Variants in COL20A1 observed in about 807,000 individuals in gnomAD.
COL20A1 encodes collagen alpha-1(XX) chain.
COL20A1 carries 164 observed loss-of-function variants against 152.9 expected under a neutral mutation model. The observed-to-expected ratio is 1.07, with a 90% CI of 0.94 to 1.22. COL20A1 has a LOEUF of 1.22. COL20A1 is among the 50% of genes most tolerant of loss of function. COL20A1 has a pLI of 0.00. For synonymous variants in COL20A1, 864 were observed against 756.0 expected, an observed-to-expected ratio of 1.14 and a Z score of -2.34; for missense variants, 1,873 against 1,744.8, an observed-to-expected ratio of 1.07 and a Z score of -1.31.
In COL20A1 at chr20:63,316,598, C is replaced by A; in HGVS notation, c.2570C>A (p.Ala857Glu). Residue 857 changes from alanine to glutamate, a missense_variant, in exon 21 of 36, where the codon GCG becomes GAG. By Grantham distance (107) the Ala-to-Glu change is moderately radical. Coordinates refer to ENST00000358894, the MANE Select transcript of COL20A1 (RefSeq NM_020882.4). ...TTCAGCCTGGTGGAAAAGGCTTATGCGTCCATCCGGGGCGTGGCCATGGAG... is the reference window on the plus strand; with the variant it reads ...TTCAGCCTGGTGGAAAAGGCTTATGAGTCCATCCGGGGCGTGGCCATGGAG... ...VAFSLVEKAY[A>E]SIRGVAMEPS... 6.3e-7 allele frequency: 1 copy of A among 1,586,448 alleles called. No homozygotes were observed. The highest frequency in any genetic ancestry group is 8.6e-7 in the Non-Finnish European group (1 of 1,166,578).
At chr20:63,328,607 T>C in intron 34 of COL20A1, 109 bp downstream of exon 34, 1 of 1,060,146 alleles carries the variant, frequency 9.4e-7, no homozygotes, top group South Asian at 1.6e-5. Flanking sequence ...CAGCTCCTGC[T>C]GGAGATGCCA....
At chr20:63,303,856 CCTCCAGGTGTGCAGGTGTGGG>C (rs2067887881) in intron 3 of COL20A1, among the ~76,000 whole-genome samples, 2 of 148,790 alleles carry the variant, frequency 1.3e-5, no homozygotes, top group South Asian at 4.3e-4. Context: ...TCCCTTCCTC[CCTCCAGGTGTGCAGGTGTGGG>C]TTCCACCCTC....
chr20:63,315,518 G>C, intron 20 of COL20A1, 79 bp downstream of exon 20: 1 of 1,306,968 alleles, frequency 7.7e-7, no homozygotes, highest in Non-Finnish European at 1.0e-6. Flanking sequence ...CAAGGGTGTC[G>C]TGACCTGGGA....
At chr20:63,295,244 A>G in intron 2 of COL20A1, 55 bp downstream of exon 2, 1 of 1,237,320 alleles carries the variant, frequency 8.1e-7, no homozygotes, top group Non-Finnish European at 1.2e-6. Context: ...CTGCCCCACC[A>G]GTGCCCACGC....
Position 63,328,408 on chromosome 20 carries a change from G to A in COL20A1, c.3691G>A (p.Gly1231Ser), listed in dbSNP as rs1290553403. Residue 1231 changes from glycine to serine, a missense_variant, in exon 34 of 36, where the codon GGC becomes AGC. By Grantham distance (56) the Gly-to-Ser change is moderately conservative. Coordinates refer to ENST00000358894, the MANE Select transcript of COL20A1 (RefSeq NM_020882.4). ...MPILEQKLEP[G>S]TEPLGSPGTR... ...CATCTTGGAGCAGAAGCTGGAGCCG[G>A]GCACTGAGCCCCTGGGGTCCCCTGG... is the stretch of plus-strand genomic sequence containing the variant. 1 of 1,612,598 alleles carries A rather than the reference G, an allele frequency of 6.2e-7. No individual in the cohort carries two copies. The highest frequency in any genetic ancestry group is 8.5e-7 in the Non-Finnish European group (1 of 1,179,660).
chr20:63,312,359 A>G (rs1601420756), intron 14 of COL20A1, 61 bp from the exon 15 acceptor site: 2 of 1,450,090 alleles, frequency 1.4e-6, no homozygotes, highest in Non-Finnish European at 1.8e-6. Flanking sequence ...CTGATTCTCC[A>G]CCCCAGCAAG....
chr20:63,293,806 C>T (rs112888546), intron 1 of COL20A1, among the ~76,000 whole-genome samples: 5,991 of 142,536 alleles, frequency 0.042, 154 homozygotes, highest in Middle Eastern at 0.1. Context: ...GCTTTCCCGC[C>T]GGGTGAGGCC....
chr20:63,297,811 TCCTC>T, intron 2 of COL20A1, 95 bp from the exon 3 acceptor site: 1 of 896,824 alleles, frequency 1.1e-6, no homozygotes, highest in Admixed American at 2.2e-5. Flanking sequence ...AGGACTGTGT[TCCTC>T]CCAAATGCTG....
At position 63,313,831 on chromosome 20, in the gene COL20A1, C is replaced by T; in HGVS notation, c.2298C>T (p.Gly766=). Residue 766 remains glycine (G), a synonymous_variant, in exon 18 of 36, where the codon GGC becomes GGT. Transcript: ENST00000358894. The surrounding 1 kb of genome is among the most constrained non-coding windows in gnomAD (Gnocchi z 5.9). ...AGGTCAGCTGGACGCCCCCGCTTGG[C>T]CGCGTGCTCCATTACTGGCTCACCT... ...SLQVSWTPPL[G]RVLHYWLTYA... 2 of 1,611,160 alleles carry T rather than the reference C, an allele frequency of 1.2e-6. No individual in the cohort carries two copies. The highest frequency in any genetic ancestry group is 1.7e-6 in the Non-Finnish European group (2 of 1,179,320).
At chr20:63,327,837 C>A in intron 31 of COL20A1, 115 bp from the exon 32 acceptor site, 1 of 1,077,696 alleles carries the variant, frequency 9.3e-7, no homozygotes, top group Non-Finnish European at 1.4e-6. Flanking sequence ...TTTCACACCG[C>A]CACTGTGGCT....
rs750218458 is a variant in COL20A1 at position 63,308,083 on chromosome 20, G to A, written c.768G>A (p.Thr256=). 4.1e-5 allele frequency: 66 copies of A among 1,607,016 alleles called. 1 individual carries two copies. In the Middle Eastern group the frequency reaches 4.9e-4, roughly 12 times the overall value. The change falls in exon 7 of 36, where the codon ACG becomes ACA. Residue 256 remains threonine (T), a synonymous_variant. Coordinates refer to ENST00000358894, the MANE Select transcript of COL20A1 (RefSeq NM_020882.4). ...VRRLRYKGGN[T]FTGLALTHVL... ...GCCTCCGCTACAAGGGGGGGAACAC[G>A]TTCACAGGTACGGCCCAGGCCTGCC...
chr20:63,295,112 G>A lies in COL20A1; in HGVS notation c.5G>A (p.Ser2Asn). The change falls in exon 2 of 36, where the codon AGC becomes AAC. Residue 2 changes from serine (S) to asparagine (N), a missense_variant. By Grantham distance (46) the Ser-to-Asn change is conservative. Coordinates refer to ENST00000358894, the MANE Select transcript of COL20A1 (RefSeq NM_020882.4). The part of the protein sequence containing the change: M[S>N]SGDPAHLGLC... ...CCCTGCCACAGCCCGAGCACCATGA[G>A]CTCCGGAGACCCTGCACACCTCGGC... is the stretch of plus-strand genomic sequence containing the variant. The A allele has an allele frequency of 6.4e-7, 1 of 1,550,592 alleles. No homozygotes were observed. Among genetic ancestry groups the A allele is most frequent in the Non-Finnish European group, 8.7e-7 (1 of 1,146,980 alleles).
intron 1 of COL20A1, among the ~76,000 whole-genome samples, chr20:63,294,050 T>C (rs2067750918): frequency 1.1e-5 from 1 of 95,116 alleles, no homozygotes; most frequent in African/African-American, 4.1e-5. Flanking sequence ...GGGAGTGCTC[T>C]GTCTGCTTTC....
chr20:63,332,313 A>G lies in COL20A1; in HGVS notation c.*1597A>G, dbSNP rs2068342924. 1.3e-5 allele frequency: 2 copies of G among 152,438 alleles called. No homozygotes were observed. Among genetic ancestry groups the G allele is most frequent in the Middle Eastern group, 3.4e-3 (1 of 294 alleles). 9.4% of individuals were successfully genotyped at this position (152,438 alleles called of 1,614,324 possible). ...AGCCCCTCCGTCCTGCAGGGAGGAC[A>G]CCTAGGTCACTTGGCTTCTGTTGGG... On this transcript the variant is annotated 3_prime_UTR_variant, in exon 36 of 36. Coordinates refer to ENST00000358894, the MANE Select transcript of COL20A1 (RefSeq NM_020882.4).
intron 21 of COL20A1, among the ~76,000 whole-genome samples, chr20:63,317,862 G>GC (rs1380660993): frequency 5.3e-5 from 8 of 151,914 alleles, no homozygotes; most frequent in Admixed American, 4.6e-4. Flanking sequence ...TGGTGTAGAC[G>GC]CCCCCCGCCC....
Position 63,316,709 on chromosome 20 carries a change from G to A in COL20A1, c.2663+18G>A, listed in dbSNP as rs2068089722. On this transcript the variant is annotated intron_variant, in intron 21 of 35. Transcript: ENST00000358894. Reference sequence around the variant, plus strand: ...CGGGTCAGGTGTGAGGGCAAGGGCTGGGGTGGAGCTGGAAGCCCAGGCTGG... The same window carrying A: ...CGGGTCAGGTGTGAGGGCAAGGGCTAGGGTGGAGCTGGAAGCCCAGGCTGG... 2.0e-6 allele frequency: 3 copies of A among 1,514,972 alleles called. No homozygotes were observed. Among genetic ancestry groups the A allele is most frequent in the African/African-American group, 1.4e-5 (1 of 71,784 alleles). 93.8% of individuals were successfully genotyped at this position (1,514,972 alleles called of 1,614,324 possible).
chr20:63,324,229 C>T (rs2068210584), intron 27 of COL20A1: 1 of 152,212 alleles, frequency 6.6e-6, no homozygotes, highest in South Asian at 2.1e-4. Flanking sequence ...TTGTGGTTTT[C>T]TTGGATTTTC....
At chr20:63,315,663 C>T (rs1486873296) in intron 20 of COL20A1, among the ~76,000 whole-genome samples, 2 of 152,244 alleles carry the variant, frequency 1.3e-5, no homozygotes, top group African/African-American at 2.4e-5. Context: ...GGCCAGGAAC[C>T]GGCAGAGCCC....
At chr20:63,302,656 TGGG>T in intron 3 of COL20A1, among the ~76,000 whole-genome samples, 1 of 152,192 alleles carries the variant, frequency 6.6e-6, no homozygotes, top group Middle Eastern at 3.4e-3. Context: ...TTGTCTGAAT[TGGG>T]GTGTGAACAG....
Sources: allele counts gnomAD v4.1 joint callset (sites outside exome capture counted in the v4.1 genomes callset), GRCh38; gene constraint gnomAD v4.1.1; non-coding constraint Gnocchi (gnomAD v3.1); transcripts MANE v1.5; gene names NCBI Gene and HGNC (gene_info 2026-07-23, HGNC 2026-07-21).